The following SLC35D1 variants were observed in gnomAD, a reference collection of about 807,000 sequenced individuals.
SLC35D1 encodes the protein solute carrier family 35 member D1, also known as nucleotide sugar transporter SLC35D1.
SLC35D1 carries 31 observed loss-of-function variants against 46.7 expected under a neutral mutation model. The observed-to-expected ratio is 0.66, with a 90% CI of 0.50 to 0.90. The LOEUF is 0.90. Among genes scored for constraint, SLC35D1 ranks in the 40% least tolerant of loss-of-function variants. SLC35D1 has a pLI of 0.00. For missense variants in SLC35D1, 397 were observed against 426.2 expected (o/e 0.93, Z 0.60); for synonymous variants, 195 against 164.6 (o/e 1.18, Z -1.41).
At chr1:66,981,921 A>G in the SLC35D1 span, 3 of 1,612,926 alleles carry the variant, frequency 1.9e-6, no homozygotes, top group African/African-American at 1.3e-5. Context: ...TCAAAATGGT[A>G]AGCAACCAGA....
intron 8 of SLC35D1, among the ~76,000 whole-genome samples, chr1:67,028,329 T>C (rs1667955342): frequency 6.6e-6 from 1 of 152,214 alleles, no homozygotes; most frequent in African/African-American, 2.4e-5. Flanking sequence ...GAGTGGATTG[T>C]TCTTTAATGT....
At chr1:66,981,811 A>G in the SLC35D1 span, 3 of 1,613,816 alleles carry the variant, frequency 1.9e-6, no homozygotes, top group Non-Finnish European at 2.5e-6. Context: ...GACGAAAGTG[A>G]AAGTGCTGCA....
intron 8 of SLC35D1, among the ~76,000 whole-genome samples, chr1:67,034,030 C>T (rs1668074670): frequency 6.6e-6 from 1 of 152,072 alleles, no homozygotes; most frequent in Non-Finnish European, 1.5e-5. Context: ...TATTCAGACA[C>T]ATAGATTTCA....
At chr1:67,041,408 C>T (rs1051929020) in intron 8 of SLC35D1, among the ~76,000 whole-genome samples, 1 of 152,116 alleles carries the variant, frequency 6.6e-6, no homozygotes, top group Non-Finnish European at 1.5e-5. Flanking sequence ...TTTAATAGTC[C>T]AACAGCTTTT....
the SLC35D1 span, among the ~76,000 whole-genome samples, chr1:66,979,738 T>C: frequency 6.6e-6 from 1 of 151,658 alleles, no homozygotes; most frequent in East Asian, 1.9e-4. Flanking sequence ...AATTTTGATA[T>C]CAACTCTTGT....
chr1:67,052,473 T>C (rs531099367), intron 3 of SLC35D1, among the ~76,000 whole-genome samples: 1 of 152,118 alleles, frequency 6.6e-6, no homozygotes, highest in African/African-American at 2.4e-5. Flanking sequence ...GAATAATGAA[T>C]GCAGGATACA....
At chr1:67,047,027 C>T (rs908349517) in intron 7 of SLC35D1, among the ~76,000 whole-genome samples, 14 of 152,160 alleles carry the variant, frequency 9.2e-5, no homozygotes, top group African/African-American at 3.1e-4. Flanking sequence ...ACTTTCCCTA[C>T]CCCACACGAA....
At chr1:67,013,959 G>A (rs758061238) in intron 10 of SLC35D1, among the ~76,000 whole-genome samples, 9 of 152,126 alleles carry the variant, frequency 5.9e-5, no homozygotes, top group Non-Finnish European at 8.8e-5. Flanking sequence ...TTCTTTCTGG[G>A]GATGTGGGAT....
downstream of SLC35D1, among the ~76,000 whole-genome samples, chr1:66,997,767 A>G (rs973478147): frequency 2.9e-4 from 42 of 147,060 alleles, no homozygotes; most frequent in African/African-American, 9.4e-4. Context: ...ATATCCTTAA[A>G]TATATATATT....
the SLC35D1 span, chr1:66,985,710 A>G: frequency 1.0e-6 from 1 of 984,356 alleles, no homozygotes; most frequent in Non-Finnish European, 1.2e-6. Context: ...GTCAGCTTTC[A>G]TTTTATTTTG....
chr1:66,982,984 A>G, the SLC35D1 span, among the ~76,000 whole-genome samples: 2 of 152,300 alleles, frequency 1.3e-5, no homozygotes, highest in South Asian at 4.1e-4. Context: ...TGGTACTACT[A>G]TTGTTTTTCC....
chr1:66,990,882 G>A, the SLC35D1 span, among the ~76,000 whole-genome samples: 168 of 152,164 alleles, frequency 1.1e-3, 1 homozygote, highest in Non-Finnish European at 2.5e-4. Context: ...GGGGAGGGTC[G>A]AGTCTGTTTT....
intron 8 of SLC35D1, among the ~76,000 whole-genome samples, chr1:67,035,049 T>G (rs1458976147): frequency 6.6e-6 from 1 of 152,168 alleles, no homozygotes; most frequent in African/African-American, 2.4e-5. Flanking sequence ...CTTTTTAATT[T>G]GTTGTTGAAT....
chr1:67,007,293 T>G (rs1479579831), intron 11 of SLC35D1, among the ~76,000 whole-genome samples: 2 of 152,354 alleles, frequency 1.3e-5, no homozygotes, highest in South Asian at 4.1e-4. Flanking sequence ...GAGAGGGCTC[T>G]CTGGTTCACA....
chr1:67,038,894 C>G (rs1481522267), intron 8 of SLC35D1, among the ~76,000 whole-genome samples: 2 of 151,584 alleles, frequency 1.3e-5, no homozygotes, highest in African/African-American at 4.9e-5. Flanking sequence ...AATGCTTTGC[C>G]AAGACCTTGC....
chr1:67,051,804 A>G (rs2755260), intron 4 of SLC35D1, among the ~76,000 whole-genome samples: 13 of 21,376 alleles, frequency 6.1e-4, no homozygotes, highest in African/African-American at 2.9e-3. Context: ...AAACAAAAAC[A>G]AAAAACTCCT....
At chr1:67,048,299 C>T (rs1171524092) in intron 6 of SLC35D1, among the ~76,000 whole-genome samples, 2 of 152,184 alleles carry the variant, frequency 1.3e-5, no homozygotes, top group Non-Finnish European at 2.9e-5. Context: ...TAATCCTTTT[C>T]AGAAGTTTTT....
the SLC35D1 span, chr1:66,986,223 CACAATAA>C: frequency 7.9e-7 from 1 of 1,271,650 alleles, no homozygotes; most frequent in Non-Finnish European, 9.9e-7. Context: ...AAATAAGATA[CACAATAA>C]TCATTGCTCT....
rs772926415 is a variant in SLC35D1 at position 67,020,303 on chromosome 1, C to CT, written c.876+65dup. 63 of 1,066,996 alleles carry CT rather than the reference C, an allele frequency of 5.9e-5. No individual in the cohort carries two copies. The East Asian group carries it at 7.4e-4, about 13-fold the overall frequency. 66.1% of individuals were successfully genotyped at this position (1,066,996 alleles called of 1,614,324 possible). On this transcript the variant is annotated intron_variant, in intron 10 of 11. Coordinates refer to ENST00000235345, the MANE Select transcript of SLC35D1 (RefSeq NM_015139.3). ...TGGGTCTTAAGGCCATCAACAGACT[C>CT]TTATCTTAAAGGAACAATTTTCAAA...
Sources: gnomAD v4.1 joint callset for allele counts (sites outside exome capture counted in the v4.1 genomes callset) on GRCh38, gnomAD v4.1.1 for gene constraint, MANE v1.5 for transcripts, NCBI Gene and HGNC (gene_info 2026-07-23, HGNC 2026-07-21) for gene names.